UBE2D3: variants seen among roughly 807,000 people sequenced by gnomAD.
UBE2D3 encodes ubiquitin-conjugating enzyme E2 D3.
A neutral mutation model predicts 22.8 loss-of-function variants in UBE2D3; 2 were observed. The observed-to-expected ratio is 0.09, with a 90% confidence interval of 0.04 to 0.28. UBE2D3 has a LOEUF of 0.28. UBE2D3 is among the 10% of genes least tolerant of loss of function. UBE2D3 has a pLI of 1.00. For missense variants in UBE2D3, 27 were observed against 182.5 expected (o/e 0.15, Z 4.91); for synonymous variants, 56 against 60.4 (o/e 0.93, Z 0.34).
chr4:102,818,263 C>T (rs1367121756), intron 2 of UBE2D3, among the ~76,000 whole-genome samples: 1 of 152,174 alleles, frequency 6.6e-6, no homozygotes, highest in African/African-American at 2.4e-5. Flanking sequence ...ATAAAAAGAA[C>T]AAAAGGTTGG....
rs1018329471 is a variant in UBE2D3, at chr4:102,827,526, C to T, written c.-228G>A. The T allele has an allele frequency of 1.5e-5, 15 of 986,230 alleles. No individual in the cohort carries two copies. Among genetic ancestry groups the T allele is most frequent in the South Asian group, 9.4e-5 (2 of 21,356 alleles). 61.1% of individuals were successfully genotyped at this position (986,230 alleles called of 1,614,324 possible). A position where few individuals can be genotyped will look rare whatever the true frequency, so the allele number is the denominator to read the frequency against. On this transcript the variant is annotated 5_prime_UTR_variant, in exon 1 of 8. Transcript: ENST00000453744. ...ACGGGGCTCACGCGCACGACACAGC[C>T]ACAAGATGTCCGCTCTGACGGAACT...
intron 2 of UBE2D3, among the ~76,000 whole-genome samples, chr4:102,821,730 T>C (rs776849595): frequency 1.1e-4 from 16 of 152,324 alleles, no homozygotes; most frequent in African/African-American, 2.9e-4. Flanking sequence ...TGATTATGCA[T>C]TGCATACCTG....
At chr4:102,831,170 A>G (rs1447313517), upstream of UBE2D3, among the ~76,000 whole-genome samples, 1 of 152,222 alleles carries the variant, frequency 6.6e-6, no homozygotes, top group African/African-American at 2.4e-5. Context: ...GCTACGGTCC[A>G]GATTTTATAT....
Position 102,797,392 on chromosome 4 carries a change from G to A in UBE2D3, c.*23C>T. The stretch of plus-strand genomic sequence containing the variant: ...AAAGTTTATTCCAGCTATAATGCAG[G>A]TTATTCTGACTTTAAGGTAGCATCA... On this transcript the variant is annotated 3_prime_UTR_variant, in exon 8 of 8. Coordinates refer to ENST00000453744, the MANE Select transcript of UBE2D3 (RefSeq NM_181891.3). The A allele has an allele frequency of 2.5e-6, 4 of 1,584,046 alleles. No homozygotes were observed. Among genetic ancestry groups the A allele is most frequent in the South Asian group, 1.1e-5 (1 of 87,636 alleles).
At chr4:102,833,708 G>C (rs1731234215) in intron 1 of UBE2D3, among the ~76,000 whole-genome samples, 1 of 152,186 alleles carries the variant, frequency 6.6e-6, no homozygotes, top group African/African-American at 2.4e-5. Context: ...TGAAATGGAA[G>C]TAAAAGGGCT....
Position 102,848,872 on chromosome 4 carries a change from TCTTTC to T in UBE2D3, c.-129+19838_-129+19842del, listed in dbSNP as rs1338034532. Among the ~76,000 whole-genome samples the T allele has an allele frequency of 4.0e-5, 6 of 151,818 alleles. No homozygotes were observed. In the East Asian group the frequency reaches 9.7e-4, roughly 24 times the overall value. On this transcript the variant is annotated intron_variant, in intron 1 of 7. Coordinates refer to the UBE2D3 transcript ENST00000338145. ...CATGGATTACCTGTAGTCTGTAGTC[TCTTTC>T]CTTATAGGAACGAGGTTATTCCTCT...
rs869042732 is a variant in UBE2D3 at position 102,860,423 on chromosome 4, A to ATG, written c.-129+8290_-129+8291dup. ...TTTCCTGGTGTGTGTGTGTGTGTGT[A>ATG]TGTGTGTGTGTGTGTGTTCTTTTAA... On this transcript the variant is annotated intron_variant, in intron 1 of 7. Coordinates refer to the UBE2D3 transcript ENST00000338145. Among the ~76,000 whole-genome samples the ATG allele has an allele frequency of 4.1e-4, 30 of 72,620 alleles. 3 individuals carry two copies. The highest frequency in any genetic ancestry group is 9.2e-4 in the South Asian group (2 of 2,166). 47.6% of individuals were successfully genotyped at this position (72,620 alleles called of 152,430 possible). A position where few individuals can be genotyped will look rare whatever the true frequency, so the allele number is the denominator to read the frequency against.
At chr4:102,832,288 T>C (rs1731154315), upstream of UBE2D3, among the ~76,000 whole-genome samples, 5 of 152,076 alleles carry the variant, frequency 3.3e-5, no homozygotes, top group Admixed American at 3.3e-4. Context: ...GGCTGCAGTA[T>C]TGCGAGGTTG....
upstream of UBE2D3, among the ~76,000 whole-genome samples, chr4:102,831,083 C>T (rs1731092085): frequency 2.0e-5 from 3 of 152,080 alleles, no homozygotes; most frequent in South Asian, 2.1e-4. Context: ...AATTTTGTTA[C>T]AGAATATTAT....
At chr4:102,852,623 G>A (rs1161563458) in intron 1 of UBE2D3, among the ~76,000 whole-genome samples, 1 of 152,122 alleles carries the variant, frequency 6.6e-6, no homozygotes, top group African/African-American at 2.4e-5. Flanking sequence ...TATTTTATAG[G>A]ATGCAGGAGT....
chr4:102,818,606 C>G (rs181157334), intron 2 of UBE2D3, among the ~76,000 whole-genome samples: 2 of 152,268 alleles, frequency 1.3e-5, no homozygotes, highest in African/African-American at 4.8e-5. Flanking sequence ...TCCTGAAGAC[C>G]TGGTGGGCAC....
intron 7 of UBE2D3, chr4:102,798,889 T>C (rs776008144): frequency 1.9e-6 from 3 of 1,603,440 alleles, no homozygotes; most frequent in Admixed American, 1.7e-5. Context: ...GTGCTGGCAG[T>C]ACCATAATAA....
intron 2 of UBE2D3, among the ~76,000 whole-genome samples, chr4:102,817,551 A>G (rs917513452): frequency 1.3e-5 from 2 of 152,208 alleles, no homozygotes; most frequent in Non-Finnish European, 2.9e-5. Context: ...GGTAAGTTTC[A>G]AAAAGGTTCC....
chr4:102,824,104 G>A (rs1274295572), intron 2 of UBE2D3, among the ~76,000 whole-genome samples: 1 of 152,164 alleles, frequency 6.6e-6, no homozygotes. Context: ...ATTAACAGCT[G>A]AAAAACCAAA....
At chr4:102,799,362 T>C (rs780743777) in intron 7 of UBE2D3, 45 bp downstream of exon 7, 1 of 1,490,928 alleles carries the variant, frequency 6.7e-7, no homozygotes, top group Non-Finnish European at 9.3e-7. Context: ...TAAGCCTAAC[T>C]CATTAAGTAA....
At chr4:102,827,666 G>A (rs1289821085), upstream of UBE2D3, 2 of 986,098 alleles carry the variant, frequency 2.0e-6, no homozygotes, top group African/African-American at 3.5e-5. Flanking sequence ...GAAGCCAGAC[G>A]GCTTGCTTCC....
At chr4:102,843,052 A>G (rs223368) in intron 1 of UBE2D3, among the ~76,000 whole-genome samples, 87,262 of 151,918 alleles carry the variant, frequency 0.57, 26,360 homozygotes, top group African/African-American at 0.78. Context: ...AGAGGTTGCA[A>G]TGAGCCGAGA....
intron 2 of UBE2D3, among the ~76,000 whole-genome samples, chr4:102,824,515 G>A (rs1028905537): frequency 6.6e-6 from 1 of 152,210 alleles, no homozygotes; most frequent in African/African-American, 2.4e-5. Flanking sequence ...TATTACAACA[G>A]ATACCCTTCT....
Position 102,795,350 on chromosome 4 carries a change from C to T in UBE2D3, c.*2065G>A, listed in dbSNP as rs900532965. On this transcript the variant is annotated 3_prime_UTR_variant, in exon 8 of 8. Coordinates refer to ENST00000453744, the MANE Select transcript of UBE2D3 (RefSeq NM_181891.3). ...TGGCTTTCAAGAAGTGATATGCCTA[C>T]TAAAGCTGTTATTTTGAGACTATAT... 2.6e-5 allele frequency: 4 copies of T among 152,034 alleles called. No homozygotes were observed. The highest frequency in any genetic ancestry group is 6.6e-5 in the Admixed American group (1 of 15,256). The allele number at this position is 152,034 out of a possible 1,614,324, so 9.4% of individuals were successfully genotyped here. A position where few individuals can be genotyped will look rare whatever the true frequency, so the allele number is the denominator to read the frequency against.
Sources: gnomAD v4.1 joint callset for allele counts (sites outside exome capture counted in the v4.1 genomes callset) on GRCh38, gnomAD v4.1.1 for gene constraint, MANE v1.5 for transcripts, NCBI Gene and HGNC (gene_info 2026-07-23, HGNC 2026-07-21) for gene names.